Variants in PTBP3 observed in about 807,000 individuals in gnomAD.
PTBP3 encodes polypyrimidine tract binding protein 3, also known as polypyrimidine tract-binding protein 3.
PTBP3 carries 20 observed loss-of-function variants against 58.7 expected under a neutral mutation model. The observed-to-expected ratio is 0.34, with a 90% confidence interval of 0.24 to 0.50. PTBP3 has a LOEUF of 0.50. Among genes scored for constraint, PTBP3 ranks in the 20% least tolerant of loss-of-function variants. The probability of loss-of-function intolerance (pLI) is 0.98; values close to 1 mark genes in which losing one functional copy is unlikely to be tolerated. For synonymous variants in PTBP3, 185 were observed against 219.8 expected (o/e 0.84, Z 1.40); for missense variants, 509 against 637.2 (o/e 0.80, Z 2.17).
intron 8 of PTBP3, among the ~76,000 whole-genome samples, chr9:112,232,800 G>A (rs1215386991): frequency 1.3e-5 from 2 of 151,990 alleles, no homozygotes; most frequent in Non-Finnish European, 2.9e-5. Context: ...GAAATGTTCT[G>A]AGCTCTCTAC....
chr9:112,297,030 T>C (rs1429394545), intron 2 of PTBP3, among the ~76,000 whole-genome samples: 7 of 152,166 alleles, frequency 4.6e-5, no homozygotes, highest in Admixed American at 1.3e-4. Context: ...ATAAATCCTC[T>C]TCACTGCTCA....
At chr9:112,239,018 CAAT>C (rs1033542030) in intron 7 of PTBP3, among the ~76,000 whole-genome samples, 10 of 152,026 alleles carry the variant, frequency 6.6e-5, no homozygotes, top group African/African-American at 2.4e-4. Flanking sequence ...TTGTACAAAA[CAAT>C]AATAACAAAT....
Position 112,227,466 on chromosome 9 carries a change from T to C in PTBP3, c.1309A>G (p.Lys437Glu). 1 of 1,614,036 alleles carries C rather than the reference T, an allele frequency of 6.2e-7. No homozygotes were observed. Among genetic ancestry groups the C allele is most frequent in the Non-Finnish European group, 8.5e-7 (1 of 1,179,922 alleles). The change falls in exon 12 of 14, where the codon AAA (lysine) becomes GAA (glutamate). Residue 437 changes from lysine (K) to glutamate (E), a missense_variant. Physicochemically the swap from Lys to Glu is moderately conservative, Grantham distance 56 (BLOSUM62 1). Transcript: ENST00000374257. ...GGTGGAAAGATATTCTGGAAGTTTT[T>C]AGAGCCCGGCTTTTTAAAGCGATGC... ...PLHRFKKPGS[K>E]NFQNIFPPSA...
chr9:112,229,422 A>G (rs1835116548), intron 10 of PTBP3, among the ~76,000 whole-genome samples: 2 of 152,032 alleles, frequency 1.3e-5, no homozygotes, highest in African/African-American at 4.8e-5. Context: ...AAAATTAGTC[A>G]GGCCTGGTGG....
intron 8 of PTBP3, among the ~76,000 whole-genome samples, chr9:112,232,915 CCTGT>C (rs1417887899): frequency 6.6e-6 from 1 of 152,090 alleles, no homozygotes; most frequent in East Asian, 1.9e-4. Flanking sequence ...CAGCTTAAAA[CCTGT>C]CTAAGGTAAA....
chr9:112,349,471 CAG>C, the PTBP3 span, among the ~76,000 whole-genome samples: 1 of 152,158 alleles, frequency 6.6e-6, no homozygotes, highest in African/African-American at 2.4e-5. Context: ...ACCAGTTGGT[CAG>C]AAGCATGGGG....
intron 3 of PTBP3, 36 bp from the exon 4 acceptor site, chr9:112,268,231 T>C (rs776799754): frequency 1.3e-5 from 20 of 1,581,502 alleles, no homozygotes; most frequent in Non-Finnish European, 1.5e-5. Context: ...TTAAAGCTCA[T>C]CTTTTTGAAA....
At chr9:112,322,155 AAG>A (rs1491306368) in intron 1 of PTBP3, among the ~76,000 whole-genome samples, 1 of 151,066 alleles carries the variant, frequency 6.6e-6, no homozygotes, top group Non-Finnish European at 1.5e-5. Context: ...AAAAAAAAAA[AAG>A]AAAGGCCCTT....
intron 1 of PTBP3, among the ~76,000 whole-genome samples, chr9:112,302,764 A>G (rs1270005408): frequency 6.6e-6 from 1 of 151,712 alleles, no homozygotes; most frequent in Non-Finnish European, 1.5e-5. Context: ...TAATTTTTGC[A>G]TTTTTGGTAG....
At chr9:112,300,788 AT>A (rs1828890381) in intron 1 of PTBP3, among the ~76,000 whole-genome samples, 1 of 151,790 alleles carries the variant, frequency 6.6e-6, no homozygotes, top group South Asian at 2.1e-4. Context: ...TACACGCTAT[AT>A]TGTTGCATTT....
rs1340214512 is a variant in PTBP3, at chr9:112,220,081, G to C, written c.*3770C>G. The C allele has an allele frequency of 3.4e-6, 4 of 1,191,104 alleles. No individual in the cohort carries two copies. The highest frequency in any genetic ancestry group is 3.2e-6 in the Non-Finnish European group (3 of 939,432). 73.8% of individuals were successfully genotyped at this position (1,191,104 alleles called of 1,614,324 possible). A position where few individuals can be genotyped will look rare whatever the true frequency, so the allele number is the denominator to read the frequency against. ...GGAAAGGCTAAGAAAAATGCTTTAC[G>C]CATCGTCACGCTGTCTCTTTTTGGT... On this transcript the variant is annotated 3_prime_UTR_variant, in exon 14 of 14. Transcript: ENST00000374257.
intron 1 of PTBP3, among the ~76,000 whole-genome samples, chr9:112,328,979 T>C (rs946816): frequency 0.84 from 127,919 of 152,252 alleles, 54,036 homozygotes; most frequent in African/African-American, 0.92. Flanking sequence ...CTACAATAAT[T>C]TGAACTGTAA....
intron 9 of PTBP3, 116 bp downstream of exon 9, chr9:112,231,971 GAAGAGAAGAGAA>G (rs1835236042): frequency 3.2e-6 from 1 of 316,474 alleles, no homozygotes. Context: ...AGAGAAGAGA[GAAGAGAAGAGAA>G]GAGAAGAGAA....
chr9:112,317,935 T>C (rs766482062), intron 1 of PTBP3, among the ~76,000 whole-genome samples: 1 of 151,906 alleles, frequency 6.6e-6, no homozygotes, highest in Non-Finnish European at 1.5e-5. Flanking sequence ...AGAGCTAGAC[T>C]CAAAAACAAC....
the PTBP3 span, among the ~76,000 whole-genome samples, chr9:112,342,631 A>G: frequency 1.3e-5 from 2 of 151,968 alleles, no homozygotes; most frequent in African/African-American, 4.8e-5. Context: ...CAGAAGAATC[A>G]CTTGAACCCA....
rs1339095428 is a variant in PTBP3, at chr9:112,275,950, A to T, written c.98T>A (p.Leu33His). 1 of 1,613,604 alleles carries T rather than the reference A, an allele frequency of 6.2e-7. No individual in the cohort carries two copies. The highest frequency in any genetic ancestry group is 8.5e-7 in the Non-Finnish European group (1 of 1,179,640). ...DRPPCSPSRV[L>H]HLRKIPCDVT... is the part of the protein sequence containing the mutation. ...ATCACATGGAATTTTTCGAAGATGGAGAACACGGGAAGGCGAACAGGGAGG... is the reference window on the plus strand; with the variant it reads ...ATCACATGGAATTTTTCGAAGATGGTGAACACGGGAAGGCGAACAGGGAGG... Residue 33 changes from leucine to histidine, a missense_variant, in exon 3 of 14, where the codon CTC (leucine) becomes CAC (histidine). Transcript: ENST00000374257.
chr9:112,266,027 T>A (rs1457721116), intron 4 of PTBP3, among the ~76,000 whole-genome samples: 1 of 152,178 alleles, frequency 6.6e-6, no homozygotes, highest in African/African-American at 2.4e-5. Flanking sequence ...TATTATGACA[T>A]CCTAAGAGCT....
the PTBP3 span, among the ~76,000 whole-genome samples, chr9:112,346,833 C>T: frequency 6.6e-6 from 1 of 152,142 alleles, no homozygotes. Flanking sequence ...AAGTGATTCT[C>T]CTGCCTCAGC....
At chr9:112,341,156 G>A in the PTBP3 span, among the ~76,000 whole-genome samples, 1 of 151,834 alleles carries the variant, frequency 6.6e-6, no homozygotes, top group African/African-American at 2.4e-5. Flanking sequence ...GTTGAGTCAG[G>A]GTCTGTCTCA....
Sources: allele counts gnomAD v4.1 joint callset (sites outside exome capture counted in the v4.1 genomes callset), GRCh38; gene constraint gnomAD v4.1.1; transcripts MANE v1.5; gene names NCBI Gene and HGNC (gene_info 2026-07-23, HGNC 2026-07-21).